RANBP17: variants seen among roughly 807,000 people sequenced by gnomAD.
RANBP17 encodes the protein RAN binding protein 17, also known as ran-binding protein 17.
Under a neutral mutation model 141.2 loss-of-function variants are expected in RANBP17, and 158 were observed. The observed-to-expected ratio is 1.12, with a 90% CI of 0.98 to 1.28. RANBP17 has a LOEUF of 1.28. Among genes scored for constraint, RANBP17 ranks in the 50% most tolerant of loss-of-function variants. The pLI is 0.00. For missense variants in RANBP17, 1,438 were observed against 1,290.7 expected (o/e 1.11, Z -1.75); for synonymous variants, 430 against 450.0 (o/e 0.96, Z 0.56).
At chr5:171,208,025 T>C (rs1433357058) in intron 20 of RANBP17, 2 of 152,240 alleles carry the variant, frequency 1.3e-5, no homozygotes, top group Non-Finnish European at 2.9e-5. Context: ...AATATTGATA[T>C]GTCAAACCGT....
At chr5:171,228,475 G>A (rs910834492) in intron 22 of RANBP17, among the ~76,000 whole-genome samples, 5 of 152,198 alleles carry the variant, frequency 3.3e-5, no homozygotes, top group Admixed American at 6.5e-5. Flanking sequence ...AGAAAGTGGT[G>A]TCTTGAGATG....
At chr5:170,920,542 G>A (rs1187971784) in intron 11 of RANBP17, among the ~76,000 whole-genome samples, 6 of 150,448 alleles carry the variant, frequency 4.0e-5, no homozygotes, top group Non-Finnish European at 8.9e-5. Context: ...GATTTGAGCA[G>A]TCTGTGTATT....
intron 12 of RANBP17, among the ~76,000 whole-genome samples, chr5:170,948,531 G>A (rs1479740730): frequency 5.3e-5 from 8 of 152,260 alleles, no homozygotes; most frequent in Admixed American, 3.3e-4. Context: ...ATTATATACC[G>A]ACACTGTAAC....
chr5:171,064,921 A>G lies in RANBP17; in HGVS notation c.1710+96544A>G, dbSNP rs1180223181. On this transcript the variant is annotated intron_variant, in intron 14 of 27. Coordinates refer to ENST00000523189, the MANE Select transcript of RANBP17 (RefSeq NM_022897.5). ...AAGAATGTAACTATTTATCTGCGAT[A>G]TATGCTGTGAATGTTTTTCCCAATT... is the stretch of plus-strand genomic sequence containing the variant. Among the ~76,000 whole-genome samples, 5 of 152,162 alleles carry G rather than the reference A, an allele frequency of 3.3e-5. No homozygotes were observed. In the East Asian group the frequency reaches 9.6e-4, roughly 29 times the overall value.
At chr5:171,214,854 T>A (rs1763118910) in intron 21 of RANBP17, among the ~76,000 whole-genome samples, 1 of 152,138 alleles carries the variant, frequency 6.6e-6, no homozygotes, top group South Asian at 2.1e-4. Context: ...GCATTGTATA[T>A]TATAAAGTAT....
At chr5:170,865,182 C>G (rs182543108) in intron 1 of RANBP17, among the ~76,000 whole-genome samples, 24 of 152,222 alleles carry the variant, frequency 1.6e-4, no homozygotes, top group Non-Finnish European at 3.4e-4. Context: ...CTTGCCTCAG[C>G]CTCCTGGGTA....
intron 5 of RANBP17, among the ~76,000 whole-genome samples, chr5:170,900,924 T>C (rs1450654925): frequency 6.6e-6 from 1 of 152,214 alleles, no homozygotes; most frequent in East Asian, 1.9e-4. Context: ...AGTGCTTTAC[T>C]TCCAATTATG....
At chr5:171,060,961 A>ATG (rs202078059) in intron 14 of RANBP17, among the ~76,000 whole-genome samples, 4 of 147,846 alleles carry the variant, frequency 2.7e-5, no homozygotes, top group Non-Finnish European at 3.0e-5. Context: ...AGAGGTGTTT[A>ATG]GTATTCTCTG....
At chr5:170,891,729 T>C (rs1373297402) in intron 3 of RANBP17, among the ~76,000 whole-genome samples, 1 of 152,052 alleles carries the variant, frequency 6.6e-6, no homozygotes, top group Non-Finnish European at 1.5e-5. Context: ...ATTACTATCA[T>C]GAGAACATCA....
chr5:171,069,764 C>T (rs1581555843), intron 14 of RANBP17, among the ~76,000 whole-genome samples: 1 of 152,108 alleles, frequency 6.6e-6, no homozygotes, highest in Non-Finnish European at 1.5e-5. Context: ...ATATTTTCAA[C>T]TCATGATGGG....
chr5:170,873,213 G>A (rs1767897415), intron 1 of RANBP17, among the ~76,000 whole-genome samples: 1 of 152,170 alleles, frequency 6.6e-6, no homozygotes, highest in Non-Finnish European at 1.5e-5. Flanking sequence ...ACTGGGCTTG[G>A]ATAAGCTTTT....
intron 14 of RANBP17, among the ~76,000 whole-genome samples, chr5:171,043,960 T>C (rs749436937): frequency 1.3e-5 from 2 of 152,164 alleles, no homozygotes; most frequent in Non-Finnish European, 2.9e-5. Context: ...TCTAAACTTA[T>C]ACAGAGGCAA....
intron 14 of RANBP17, among the ~76,000 whole-genome samples, chr5:171,003,005 A>G (rs1001159403): frequency 1.3e-5 from 2 of 152,158 alleles, no homozygotes; most frequent in Non-Finnish European, 2.9e-5. Context: ...TGAGGCAGAA[A>G]ATAGATTTTG....
At chr5:170,932,316 G>A (rs1409404742) in intron 12 of RANBP17, among the ~76,000 whole-genome samples, 27 of 151,456 alleles carry the variant, frequency 1.8e-4, no homozygotes, top group African/African-American at 3.9e-4. Flanking sequence ...GGCTGAGACA[G>A]TGGGGTTTTC....
chr5:171,149,209 C>T (rs777101257), intron 14 of RANBP17, among the ~76,000 whole-genome samples: 13 of 152,190 alleles, frequency 8.5e-5, no homozygotes, highest in Non-Finnish European at 1.5e-4. Context: ...CATCCCTAAC[C>T]TCTTTTGGAG....
Position 170,911,072 on chromosome 5 carries a change from G to A in RANBP17, c.698G>A (p.Ser233Asn), listed in dbSNP as rs1446435573. The change falls in exon 7 of 28, where the codon AGT (serine) becomes AAT (asparagine). Residue 233 changes from serine (S) to asparagine (N), a missense_variant. Physicochemically the swap from Ser to Asn is conservative, Grantham distance 46. Transcript: ENST00000523189. ...LNCLNFDFIG[S>N]SADESADDLC... ...TGCCTTAACTTTGACTTCATTGGCA[G>A]TTCAGCAGATGAATCTGCAGATGAT... 1 of 1,611,916 alleles carries A rather than the reference G, an allele frequency of 6.2e-7. No individual in the cohort carries two copies. The highest frequency in any genetic ancestry group is 1.3e-5 in the African/African-American group (1 of 74,768).
intron 14 of RANBP17, among the ~76,000 whole-genome samples, chr5:171,168,165 A>G (rs1296509808): frequency 6.6e-6 from 1 of 152,188 alleles, no homozygotes; most frequent in African/African-American, 2.4e-5. Flanking sequence ...CCAAACAGTT[A>G]CAGTGTGAAA....
chr5:171,015,619 C>A (rs1251238307), intron 14 of RANBP17, among the ~76,000 whole-genome samples: 1 of 151,846 alleles, frequency 6.6e-6, no homozygotes, highest in African/African-American at 2.4e-5. Flanking sequence ...TCTTTGCATG[C>A]CTAGTAATTT....
intron 3 of RANBP17, 24 bp downstream of exon 3, chr5:170,881,920 A>G: frequency 6.8e-7 from 1 of 1,466,586 alleles, no homozygotes; most frequent in Non-Finnish European, 9.4e-7. Flanking sequence ...TATGCTTTTT[A>G]ACCAACTGCG....
Sources: allele counts gnomAD v4.1 joint callset (sites outside exome capture counted in the v4.1 genomes callset), GRCh38; gene constraint gnomAD v4.1.1; transcripts MANE v1.5; gene names NCBI Gene and HGNC (gene_info 2026-07-23, HGNC 2026-07-21).